Variants in OR5P3 observed in about 807,000 individuals in gnomAD.
The protein encoded by OR5P3 is olfactory receptor family 5 subfamily P member 3, also known as olfactory receptor 5P3.
For missense variants in OR5P3, 415 were observed against 375.6 expected (o/e 1.10, Z -0.87); for synonymous variants, 172 against 141.8 (o/e 1.21, Z -1.51).
rs1564832196 is a variant in OR5P3 at position 7,825,688 on chromosome 11, A to AGCAACAGG, written c.277_284dup (p.Gly96LeufsTer12). On this transcript the variant is annotated frameshift_variant, in exon 2 of 2. Transcript: ENST00000641167. LOFTEE classifies it low-confidence loss of function (END_TRUNC). Reference sequence around the variant, plus strand: ...CAGAACAGAGCTGGGCCACACAACCAGCAACAGGGAGAGAGGTTTCTTTCC... The same window carrying AGCAACAGG: ...CAGAACAGAGCTGGGCCACACAACCAGCAACAGGGCAACAGGGAGAGAGGTTTCTTTCC... The AGCAACAGG allele has an allele frequency of 6.2e-7, 1 of 1,613,088 alleles. No homozygotes were observed. The highest frequency in any genetic ancestry group is 1.4e-5 in the African/African-American group (1 of 73,994).
At position 7,830,404 on chromosome 11, in the gene OR5P3, G is replaced by A. The variant is rs11041594; in HGVS notation, c.-22+420C>T. ...ATCTTTGTACAGGGCTTTATTAAGT[G>A]GCATGGACCCAAGAATGAATGAATG... On this transcript the variant is annotated intron_variant, in intron 1 of 1. Coordinates refer to ENST00000641167, the MANE Select transcript of OR5P3 (RefSeq NM_153445.2). Among the ~76,000 whole-genome samples, 1,372 of 152,226 alleles carry A rather than the reference G, an allele frequency of 9.0e-3. 8 individuals carry two copies. The highest frequency in any genetic ancestry group is 0.021 in the Admixed American group (323 of 15,274).
intron 1 of OR5P3, among the ~76,000 whole-genome samples, chr11:7,830,114 C>G (rs666978): frequency 6.6e-6 from 1 of 152,092 alleles, no homozygotes; most frequent in Non-Finnish European, 1.5e-5. Flanking sequence ...ATGTATTTTT[C>G]TTTAAAGAAT....
intron 1 of OR5P3, among the ~76,000 whole-genome samples, chr11:7,826,676 A>G (rs146195174): frequency 6.6e-6 from 1 of 152,198 alleles, no homozygotes; most frequent in Non-Finnish European, 1.5e-5. Flanking sequence ...GAGATGAGAT[A>G]TCTCCTAATT....
At position 7,825,690 on chromosome 11, in the gene OR5P3, C is replaced by T; in HGVS notation, c.283G>A (p.Ala95Thr). The T allele has an allele frequency of 6.2e-7, 1 of 1,613,148 alleles. No individual in the cohort carries two copies. The highest frequency in any genetic ancestry group is 8.5e-7 in the Non-Finnish European group (1 of 1,180,036). ...FLRKETSLPV[A>T]GCVAQLCSVV... is the part of the protein sequence containing the mutation. ...GAACAGAGCTGGGCCACACAACCAGCAACAGGGAGAGAGGTTTCTTTCCTT... is the reference window on the plus strand; with the variant it reads ...GAACAGAGCTGGGCCACACAACCAGTAACAGGGAGAGAGGTTTCTTTCCTT... The change falls in exon 2 of 2, where the codon GCT (alanine) becomes ACT (threonine). Residue 95 changes from alanine to threonine, a missense_variant. Ala to Thr is a moderately conservative substitution (Grantham distance 58). Transcript: ENST00000641167.
intron 1 of OR5P3, among the ~76,000 whole-genome samples, chr11:7,828,524 T>C (rs2133495661): frequency 6.6e-6 from 1 of 152,254 alleles, no homozygotes; most frequent in South Asian, 2.1e-4. Context: ...ATCCCAAAGT[T>C]GTGAAGATTG....
chr11:7,829,465 T>C (rs1482797), intron 1 of OR5P3, among the ~76,000 whole-genome samples: 133,331 of 152,126 alleles, frequency 0.88, 59,472 homozygotes, highest in Non-Finnish European at 0.96. Flanking sequence ...CATGGGAGAA[T>C]CATCAAGCAG....
At chr11:7,829,433 T>C (rs1322226618) in intron 1 of OR5P3, among the ~76,000 whole-genome samples, 2 of 152,084 alleles carry the variant, frequency 1.3e-5, no homozygotes, top group East Asian at 1.9e-4. Flanking sequence ...AGTCTGAGGA[T>C]ACACAAAATA....
At chr11:7,829,652 A>G (rs1053418142) in intron 1 of OR5P3, among the ~76,000 whole-genome samples, 7 of 152,240 alleles carry the variant, frequency 4.6e-5, no homozygotes, top group Admixed American at 2.0e-4. Context: ...CCATATGAAG[A>G]TAATGCGTGA....
At chr11:7,826,740 T>C (rs1256850898) in intron 1 of OR5P3, among the ~76,000 whole-genome samples, 1 of 152,200 alleles carries the variant, frequency 6.6e-6, no homozygotes, top group Non-Finnish European at 1.5e-5. Flanking sequence ...AGAGAAGACA[T>C]GATCAGGTTA....
intron 1 of OR5P3, among the ~76,000 whole-genome samples, chr11:7,827,126 A>T (rs1003487261): frequency 7.9e-5 from 12 of 152,244 alleles, no homozygotes; most frequent in African/African-American, 1.9e-4. Flanking sequence ...AGCTAAAATG[A>T]AGAACCATAT....
rs75765203 is a variant in OR5P3 at position 7,826,762 on chromosome 11, C to T, written c.-21-769G>A. Among the ~76,000 whole-genome samples, 187 of 152,294 alleles carry T rather than the reference C, an allele frequency of 1.2e-3. 2 individuals are homozygous for T. Among genetic ancestry groups the T allele is most frequent in the African/African-American group, 4.5e-3 (186 of 41,570 alleles). ...ACATGATCAGGTTACTCCTGGAAGGCTCCAAAGATACAACTTATACCCAAG... is the reference window on the plus strand; with the variant it reads ...ACATGATCAGGTTACTCCTGGAAGGTTCCAAAGATACAACTTATACCCAAG... On this transcript the variant is annotated intron_variant, in intron 1 of 1. Transcript: ENST00000641167.
chr11:7,824,968 C>A lies in OR5P3; in HGVS notation c.*69G>T. 3.2e-6 allele frequency: 4 copies of A among 1,258,776 alleles called. No homozygotes were observed. The highest frequency in any genetic ancestry group is 4.3e-6 in the Non-Finnish European group (4 of 935,400). The allele number at this position is 1,258,776 out of a possible 1,614,324, so 78.0% of individuals were successfully genotyped here. On this transcript the variant is annotated 3_prime_UTR_variant, in exon 2 of 2. Coordinates refer to ENST00000641167, the MANE Select transcript of OR5P3 (RefSeq NM_153445.2). ...TGGACAGATAAATTTTGACCACAAA[C>A]ACTCGGTGTCTTATTATTATTATAT...
chr11:7,830,192 C>A (rs1020516750), intron 1 of OR5P3, among the ~76,000 whole-genome samples: 1 of 152,176 alleles, frequency 6.6e-6, no homozygotes, highest in African/African-American at 2.4e-5. Context: ...CTCACACACA[C>A]ACCACATGCA....
Position 7,825,645 on chromosome 11 carries a change from C to T in OR5P3, c.328G>A (p.Ala110Thr). ...ATGGCAGCCAGCAGGAAGCACTCGG[C>T]CGTACCAAACGTCACTACAGAACAG... ...QLCSVVTFGT[A>T]ECFLLAAMAY... Residue 110 changes from alanine to threonine, a missense_variant, in exon 2 of 2, where the codon GCC becomes ACC. Transcript: ENST00000641167. The T allele has an allele frequency of 1.2e-6, 2 of 1,613,114 alleles. No homozygotes were observed. The highest frequency in any genetic ancestry group is 2.2e-5 in the South Asian group (2 of 91,082).
rs750926526 is a variant in OR5P3, at chr11:7,825,171, T to C, written c.802A>G (p.Thr268Ala). 2.3e-5 allele frequency: 37 copies of C among 1,607,852 alleles called. No individual in the cohort carries two copies. Among genetic ancestry groups the C allele is most frequent in the Non-Finnish European group, 3.0e-5 (35 of 1,179,982 alleles). Residue 268 changes from threonine (T) to alanine (A), a missense_variant, in exon 2 of 2, where the codon ACT becomes GCT. Coordinates refer to ENST00000641167, the MANE Select transcript of OR5P3 (RefSeq NM_153445.2). ...ACAGACACCACCTTGTTCTGGTCAG[T>C]TGAGTAGCTGGACTTGGGCATCACA... ...IYVMPKSSYS[T>A]DQNKVVSVFY...
chr11:7,825,824 C>T lies in OR5P3; in HGVS notation c.149G>A (p.Arg50Lys). 6.2e-7 allele frequency: 1 copy of T among 1,613,100 alleles called. No individual in the cohort carries two copies. The highest frequency in any genetic ancestry group is 8.5e-7 in the Non-Finnish European group (1 of 1,180,000). The change falls in exon 2 of 2, where the codon AGA (arginine) becomes AAA (lysine). Residue 50 changes from arginine (R) to lysine (K), a missense_variant. Coordinates refer to ENST00000641167, the MANE Select transcript of OR5P3 (RefSeq NM_153445.2). ...GGGTGTATGAAGATGATGACTTCTT[C>T]TGATCAATACAATTATGCTGATATT... ...MGNISIIVLI[R>K]RSHHLHTPMY...
At position 7,825,268 on chromosome 11, in the gene OR5P3, G is replaced by A. The variant is rs1433794344; in HGVS notation, c.705C>T (p.His235=). 1.2e-6 allele frequency: 2 copies of A among 1,613,162 alleles called. No individual in the cohort carries two copies. The highest frequency in any genetic ancestry group is 2.2e-5 in the East Asian group (1 of 44,878). ...ILKMHSTKGR[H]KAFSTCTSHL... is the part of the protein sequence containing the mutation. Reference sequence around the variant, plus strand: ...GGGAGGTGCAGGTGGAGAAGGCCTTGTGGCGGCCCTTGGTGGAGTGCATCT... The same window carrying A: ...GGGAGGTGCAGGTGGAGAAGGCCTTATGGCGGCCCTTGGTGGAGTGCATCT... Residue 235 remains histidine, a synonymous_variant, in exon 2 of 2, where the codon CAC becomes CAT. Coordinates refer to ENST00000641167, the MANE Select transcript of OR5P3 (RefSeq NM_153445.2).
At position 7,825,801 on chromosome 11, in the gene OR5P3, G is replaced by A; in HGVS notation, c.172C>T (p.Pro58Ser). The A allele has an allele frequency of 6.2e-7, 1 of 1,613,210 alleles. No homozygotes were observed. The highest frequency in any genetic ancestry group is 8.5e-7 in the Non-Finnish European group (1 of 1,179,996). ...LIRRSHHLHT[P>S]MYIFLCHLAF... The stretch of plus-strand genomic sequence containing the variant: ...AAATGGCAGAGGAAAATGTACATGG[G>A]TGTATGAAGATGATGACTTCTTCTG... The change falls in exon 2 of 2, where the codon CCC becomes TCC. Residue 58 changes from proline to serine, a missense_variant. By Grantham distance (74) the Pro-to-Ser change is moderately conservative. Coordinates refer to ENST00000641167, the MANE Select transcript of OR5P3 (RefSeq NM_153445.2).
chr11:7,828,659 A>C (rs1319195871), intron 1 of OR5P3, among the ~76,000 whole-genome samples: 1 of 152,166 alleles, frequency 6.6e-6, no homozygotes, highest in Non-Finnish European at 1.5e-5. Context: ...AATGAGAAAC[A>C]CTAGTAGGTA....
Sources: gnomAD v4.1 joint callset for allele counts (sites outside exome capture counted in the v4.1 genomes callset) on GRCh38, gnomAD v4.1.1 for gene constraint, MANE v1.5 for transcripts, NCBI Gene and HGNC (gene_info 2026-07-23, HGNC 2026-07-21) for gene names.